The following AFF2 variants were observed in gnomAD, a reference collection of about 807,000 sequenced individuals.
AFF2 encodes the protein AF4/FMR2 family member 2.
AFF2 carries 14 observed loss-of-function variants against 76.9 expected under a neutral mutation model. The observed-to-expected ratio is 0.18, with a 90% CI of 0.12 to 0.28. AFF2 has a LOEUF of 0.28. AFF2 is among the 10% of genes least tolerant of loss of function. AFF2 has a pLI of 1.00. For missense variants in AFF2, 868 were observed against 1,001.1 expected, an observed-to-expected ratio of 0.87 and a Z score of 1.79; for synonymous variants, 398 against 366.7, an observed-to-expected ratio of 1.09 and a Z score of -0.98.
chrX:148,723,700 G>T (rs185327545), intron 3 of AFF2, among the ~76,000 whole-genome samples: 1 of 110,571 alleles, frequency 9.0e-6, no homozygotes, highest in Non-Finnish European at 1.9e-5. Context: ...AAGATGAAAT[G>T]CTGGAATGCC....
intron 16 of AFF2, among the ~76,000 whole-genome samples, chrX:148,976,004 G>A (rs1423858551): frequency 2.0e-5 from 2 of 101,313 alleles, no homozygotes; most frequent in East Asian, 3.1e-4. Context: ...TGGTAAAAGT[G>A]CAACGTGAAT....
At chrX:148,590,096 A>G (rs918365409) in intron 1 of AFF2, among the ~76,000 whole-genome samples, 2 of 104,565 alleles carry the variant, frequency 1.9e-5, no homozygotes, top group Non-Finnish European at 3.9e-5. Flanking sequence ...GGCATCTGCT[A>G]ATCATTACCA....
At chrX:148,726,061 C>T (rs1005352810) in intron 3 of AFF2, among the ~76,000 whole-genome samples, 35 of 111,308 alleles carry the variant, frequency 3.1e-4, no homozygotes, top group African/African-American at 9.8e-4. Flanking sequence ...TGCAGTCAAA[C>T]TCAAGACTGA....
chrX:148,649,647 G>A (rs1315177964), intron 1 of AFF2, among the ~76,000 whole-genome samples: 1 of 112,375 alleles, frequency 8.9e-6, no homozygotes, highest in Non-Finnish European at 1.9e-5. Context: ...GCAAAATGCA[G>A]CCAAGAGCCT....
intron 12 of AFF2, among the ~76,000 whole-genome samples, chrX:148,959,937 C>G (rs782436695): frequency 1.0e-3 from 114 of 112,893 alleles, no homozygotes; most frequent in Non-Finnish European, 1.5e-3. Context: ...AGCCTTTGGT[C>G]CCCACTGCTA....
At chrX:148,556,341 C>T (rs1264855426) in intron 1 of AFF2, among the ~76,000 whole-genome samples, 2 of 111,876 alleles carry the variant, frequency 1.8e-5, no homozygotes, top group African/African-American at 6.5e-5. Flanking sequence ...AGTGTAATTA[C>T]AGTACATTTA....
intron 13 of AFF2, among the ~76,000 whole-genome samples, chrX:148,966,006 C>T (rs1303723408): frequency 9.0e-6 from 1 of 111,387 alleles, no homozygotes; most frequent in African/African-American, 3.3e-5. Flanking sequence ...TGTGATGCCA[C>T]ACTGTCACAT....
chrX:148,743,758 T>C (rs1170235133), intron 3 of AFF2, among the ~76,000 whole-genome samples: 1 of 110,989 alleles, frequency 9.0e-6, no homozygotes, highest in Non-Finnish European at 1.9e-5. Flanking sequence ...AAGGACTCCA[T>C]TGGGTGGTCA....
chrX:148,672,604 T>C (rs2054436844), intron 3 of AFF2, among the ~76,000 whole-genome samples: 1 of 112,372 alleles, frequency 8.9e-6, no homozygotes, highest in Non-Finnish European at 1.9e-5. Context: ...TAAGTTAAAA[T>C]TCCCTTCTTA....
intron 1 of AFF2, among the ~76,000 whole-genome samples, chrX:148,515,643 C>T (rs1211195540): frequency 8.9e-6 from 1 of 111,767 alleles, no homozygotes; most frequent in Non-Finnish European, 1.9e-5. Context: ...GAAATGTGAT[C>T]AATTTTTATG....
At chrX:148,979,208 G>A (rs782817501) in intron 18 of AFF2, among the ~76,000 whole-genome samples, 2 of 111,819 alleles carry the variant, frequency 1.8e-5, no homozygotes, top group South Asian at 3.8e-4. Flanking sequence ...TGCCAAGTGC[G>A]TGAGACCTCT....
intron 3 of AFF2, among the ~76,000 whole-genome samples, chrX:148,724,892 C>T (rs185655805): frequency 3.6e-5 from 4 of 112,149 alleles, no homozygotes; most frequent in Non-Finnish European, 7.5e-5. Context: ...TAGACTTTTA[C>T]TATTATTACT....
chrX:148,541,975 C>T (rs1467171646), intron 1 of AFF2, among the ~76,000 whole-genome samples: 5 of 107,730 alleles, frequency 4.6e-5, no homozygotes, highest in Non-Finnish European at 9.5e-5. Flanking sequence ...CCCTTAAATT[C>T]TCACTGAACC....
At chrX:148,581,263 TGTACACAC>T (rs1557244731) in intron 1 of AFF2, among the ~76,000 whole-genome samples, 1 of 84,141 alleles carries the variant, frequency 1.2e-5, no homozygotes, top group African/African-American at 4.1e-5. Context: ...TACGTATACG[TGTACACAC>T]ATATACACGT....
At chrX:148,565,002 AT>A (rs2053153478) in intron 1 of AFF2, among the ~76,000 whole-genome samples, 1 of 112,139 alleles carries the variant, frequency 8.9e-6, no homozygotes, top group South Asian at 3.7e-4. Context: ...GCAGGTCAAA[AT>A]AAATGCAAGC....
chrX:148,552,308 C>A (rs782097734), intron 1 of AFF2, among the ~76,000 whole-genome samples: 1 of 111,865 alleles, frequency 8.9e-6, no homozygotes, highest in East Asian at 2.8e-4. Flanking sequence ...AGGGTTGAAG[C>A]GTGGTATGAA....
chrX:148,879,777 GA>G (rs143500934), intron 7 of AFF2, among the ~76,000 whole-genome samples: 1,525 of 102,944 alleles, frequency 0.015, 29 homozygotes, highest in African/African-American at 0.049. Context: ...ATTTAAAAAT[GA>G]AAAAAAAAAA....
chrX:148,538,347 G>A (rs372640208), intron 1 of AFF2, among the ~76,000 whole-genome samples: 78 of 111,799 alleles, frequency 7.0e-4, no homozygotes, highest in African/African-American at 2.3e-3. Context: ...TGTGTCTGGC[G>A]TGGGACTTGA....
At chrX:148,865,290 G>A (rs2070893415) in intron 7 of AFF2, among the ~76,000 whole-genome samples, 1 of 112,353 alleles carries the variant, frequency 8.9e-6, no homozygotes, top group Non-Finnish European at 1.9e-5. Flanking sequence ...AGTCTGTGGT[G>A]AATTCAGAAA....
Sources: gnomAD v4.1 joint callset for allele counts (sites outside exome capture counted in the v4.1 genomes callset) on GRCh38, gnomAD v4.1.1 for gene constraint, MANE v1.5 for transcripts, NCBI Gene and HGNC (gene_info 2026-07-23, HGNC 2026-07-21) for gene names.